Variants in FGF7 observed in about 807,000 individuals in gnomAD.
The protein encoded by FGF7 is FGF-7.
FGF7 carries 6 observed loss-of-function variants against 20.5 expected under a neutral mutation model. That is an observed-to-expected ratio of 0.29 (90% CI 0.16 to 0.58). FGF7 has a LOEUF of 0.58. Among genes scored for constraint, FGF7 ranks in the 20% least tolerant of loss-of-function variants. The pLI is 0.90. For synonymous variants in FGF7, 64 were observed against 74.7 expected (o/e 0.86, Z 0.74); for missense variants, 144 against 228.8 (o/e 0.63, Z 2.39).
intron 2 of FGF7, among the ~76,000 whole-genome samples, chr15:49,444,739 C>G (rs1212536520): frequency 1.3e-5 from 2 of 151,596 alleles, no homozygotes; most frequent in African/African-American, 4.8e-5. Context: ...AAATAAATTG[C>G]AAATATCTCC....
rs1241049975 is a variant in FGF7 at position 49,487,733 on chromosome 15, C to T, written c.*3229C>T. 6.6e-6 allele frequency: 1 copy of T among 151,954 alleles called. No homozygotes were observed. The highest frequency in any genetic ancestry group is 1.5e-5 in the Non-Finnish European group (1 of 67,904). 9.4% of individuals were successfully genotyped at this position (151,954 alleles called of 1,614,324 possible). A position where few individuals can be genotyped will look rare whatever the true frequency, so the allele number is the denominator to read the frequency against. Reference sequence around the variant, plus strand: ...AGAATAATGCAAAGGGGGCCCACCACAGACGGAACATTTCTTTTCTCTTAA... The same window carrying T: ...AGAATAATGCAAAGGGGGCCCACCATAGACGGAACATTTCTTTTCTCTTAA... On this transcript the variant is annotated 3_prime_UTR_variant, in exon 4 of 4. Transcript: ENST00000267843.
chr15:49,440,784 A>G (rs4581658), intron 2 of FGF7, among the ~76,000 whole-genome samples: 2 of 151,714 alleles, frequency 1.3e-5, no homozygotes, highest in Non-Finnish European at 3.0e-5. Flanking sequence ...TCAGGGCTCT[A>G]CAGAAATGAA....
chr15:49,473,469 T>C (rs1005316051), intron 2 of FGF7, among the ~76,000 whole-genome samples: 6 of 152,140 alleles, frequency 3.9e-5, no homozygotes, highest in African/African-American at 1.4e-4. Context: ...ATAATTTTCT[T>C]CAGATCACTA....
At position 49,485,486 on chromosome 15, in the gene FGF7, T is replaced by C. The variant is rs1160567764; in HGVS notation, c.*982T>C. The C allele has an allele frequency of 1.3e-5, 2 of 152,412 alleles. No homozygotes were observed. The highest frequency in any genetic ancestry group is 6.6e-5 in the Admixed American group (1 of 15,212). 9.4% of individuals were successfully genotyped at this position (152,412 alleles called of 1,614,324 possible). On this transcript the variant is annotated 3_prime_UTR_variant, in exon 4 of 4. Coordinates refer to ENST00000267843, the MANE Select transcript of FGF7 (RefSeq NM_002009.4). ...TTATGTTATTTATAAAAAAAAAACC[T>C]TAATAAGCTGTATCTGTTTCATATG... is the stretch of plus-strand genomic sequence containing the variant.
chr15:49,435,895 CA>C (rs1260332233), intron 2 of FGF7, among the ~76,000 whole-genome samples: 1 of 151,522 alleles, frequency 6.6e-6, no homozygotes, highest in African/African-American at 2.4e-5. Flanking sequence ...CAACTGGGAA[CA>C]TTTTTATTGA....
At chr15:49,467,530 A>G (rs910040908) in intron 2 of FGF7, among the ~76,000 whole-genome samples, 1 of 152,092 alleles carries the variant, frequency 6.6e-6, no homozygotes, top group African/African-American at 2.4e-5. Context: ...AATGGAAGAG[A>G]TTTTCTAGAT....
At chr15:49,461,002 TATTC>T (rs1567320736) in intron 2 of FGF7, among the ~76,000 whole-genome samples, 1 of 152,182 alleles carries the variant, frequency 6.6e-6, no homozygotes, top group African/African-American at 2.4e-5. Context: ...GAATGAGTGA[TATTC>T]ATCTTGTGGG....
chr15:49,456,021 T>C (rs923023398), intron 2 of FGF7, among the ~76,000 whole-genome samples: 5 of 152,160 alleles, frequency 3.3e-5, no homozygotes, highest in Non-Finnish European at 7.4e-5. Flanking sequence ...CTCAACATGC[T>C]GTTACATGCT....
chr15:49,480,125 A>G (rs1263596175), intron 2 of FGF7, among the ~76,000 whole-genome samples: 1 of 152,138 alleles, frequency 6.6e-6, no homozygotes, highest in African/African-American at 2.4e-5. Context: ...TTCCCAAGCA[A>G]TTGTCTTTTA....
At chr15:49,439,427 C>T (rs965638906) in intron 2 of FGF7, among the ~76,000 whole-genome samples, 5 of 151,596 alleles carry the variant, frequency 3.3e-5, no homozygotes, top group East Asian at 1.9e-4. Flanking sequence ...AATAGTAAAA[C>T]GTGGGGGGAG....
intron 2 of FGF7, among the ~76,000 whole-genome samples, chr15:49,481,460 C>T (rs2055938192): frequency 6.6e-6 from 1 of 152,184 alleles, no homozygotes; most frequent in Non-Finnish European, 1.5e-5. Flanking sequence ...AAGGGCAAGG[C>T]TTGTCTGTGA....
At chr15:49,466,979 G>A (rs1006625094) in intron 2 of FGF7, among the ~76,000 whole-genome samples, 13 of 152,006 alleles carry the variant, frequency 8.6e-5, no homozygotes, top group African/African-American at 2.7e-4. Context: ...ACTTTAAATC[G>A]TGCTTTAATT....
chr15:49,445,240 C>A (rs1449093569), intron 2 of FGF7, among the ~76,000 whole-genome samples: 1 of 151,374 alleles, frequency 6.6e-6, no homozygotes, highest in Non-Finnish European at 1.5e-5. Flanking sequence ...AGCATAGTAC[C>A]CAATAGTTAA....
At chr15:49,480,333 CAG>C (rs2055817663) in intron 2 of FGF7, among the ~76,000 whole-genome samples, 1 of 151,962 alleles carries the variant, frequency 6.6e-6, no homozygotes, top group Admixed American at 6.6e-5. Context: ...TATTTTGAGA[CAG>C]AGCCTCACTC....
At chr15:49,460,502 G>A (rs957197866) in intron 2 of FGF7, among the ~76,000 whole-genome samples, 1 of 152,142 alleles carries the variant, frequency 6.6e-6, no homozygotes, top group Non-Finnish European at 1.5e-5. Flanking sequence ...GATTCTTTTT[G>A]AAGGACTATG....
chr15:49,487,330 G>GA lies in FGF7; in HGVS notation c.*2832dup, dbSNP rs1270878247. 2 of 151,592 alleles carry GA rather than the reference G, an allele frequency of 1.3e-5. No individual in the cohort carries two copies. Among genetic ancestry groups the GA allele is most frequent in the African/African-American group, 4.8e-5 (2 of 41,302 alleles). 9.4% of individuals were successfully genotyped at this position (151,592 alleles called of 1,614,324 possible). On this transcript the variant is annotated 3_prime_UTR_variant, in exon 4 of 4. Transcript: ENST00000267843. ...ACATGAGTTTCTAACAATTAGAAAA[G>GA]AAAAAATTAAAACATGAAATGATAA...
At chr15:49,435,045 G>A (rs1418976678) in intron 2 of FGF7, among the ~76,000 whole-genome samples, 1 of 151,444 alleles carries the variant, frequency 6.6e-6, no homozygotes. Flanking sequence ...ATACAAAACA[G>A]TAATGTTCAT....
chr15:49,453,387 C>T (rs972369995), intron 2 of FGF7, among the ~76,000 whole-genome samples: 2 of 152,050 alleles, frequency 1.3e-5, no homozygotes, highest in East Asian at 1.9e-4. Flanking sequence ...TACAGGCATG[C>T]GCCACCGTGC....
intron 2 of FGF7, among the ~76,000 whole-genome samples, chr15:49,469,171 C>T (rs1016884167): frequency 1.3e-4 from 19 of 151,966 alleles, no homozygotes; most frequent in Admixed American, 3.9e-4. Context: ...GTACTTGAGT[C>T]ATTTATTTTC....
Sources: allele counts gnomAD v4.1 joint callset (sites outside exome capture counted in the v4.1 genomes callset), GRCh38; gene constraint gnomAD v4.1.1; transcripts MANE v1.5; gene names NCBI Gene and HGNC (gene_info 2026-07-23, HGNC 2026-07-21).